FAM114A1: variants seen among roughly 807,000 people sequenced by gnomAD.
The protein encoded by FAM114A1 is family with sequence similarity 114 member A1, also known as protein NOXP20.
A neutral mutation model predicts 64.3 loss-of-function variants in FAM114A1; 62 were observed. The ratio of observed to expected loss-of-function variants is 0.96; its 90% CI spans 0.79 to 1.19. The LOEUF (loss-of-function observed/expected upper bound fraction) is 1.19. Among genes scored for constraint, FAM114A1 ranks in the 50% most tolerant of loss-of-function variants. FAM114A1 has a pLI of 0.00. For missense variants in FAM114A1, 645 were observed against 676.3 expected (o/e 0.95, Z 0.51); for synonymous variants, 254 against 251.1 (o/e 1.01, Z -0.11).
At chr4:38,932,445 C>T (rs1289678709) in intron 12 of FAM114A1, 71 bp downstream of exon 12, 4 of 1,376,816 alleles carry the variant, frequency 2.9e-6, no homozygotes, top group Admixed American at 2.7e-5. Flanking sequence ...TACACACATA[C>T]ACACCCACAC....
chr4:38,903,239 C>G (rs543946182), intron 4 of FAM114A1, among the ~76,000 whole-genome samples: 3 of 152,150 alleles, frequency 2.0e-5, no homozygotes, highest in Non-Finnish European at 2.9e-5. Context: ...AGAGGCAGCT[C>G]GTGTATACAT....
chr4:38,924,899 G>A (rs1719966054), intron 9 of FAM114A1, among the ~76,000 whole-genome samples: 1 of 152,198 alleles, frequency 6.6e-6, no homozygotes, highest in Non-Finnish European at 1.5e-5. Flanking sequence ...TATTAAGGGT[G>A]TCATTTAGAA....
At chr4:38,889,530 G>T (rs1716122040) in intron 3 of FAM114A1, among the ~76,000 whole-genome samples, 1 of 152,142 alleles carries the variant, frequency 6.6e-6, no homozygotes, top group Non-Finnish European at 1.5e-5. Flanking sequence ...AACATTATAT[G>T]AATTATTTCT....
At chr4:38,920,369 G>A (rs892947590) in intron 8 of FAM114A1, among the ~76,000 whole-genome samples, 1 of 152,142 alleles carries the variant, frequency 6.6e-6, no homozygotes, top group African/African-American at 2.4e-5. Context: ...ACTCAGCACT[G>A]TGCCAAGCAT....
At position 38,943,489 on chromosome 4, in the gene FAM114A1, T is replaced by C; in HGVS notation, c.1624T>C (p.Phe542Leu). Reference protein sequence around the residue: ...CNSTTYIQDAFQLLLPVLQVS... With the variant: ...CNSTTYIQDALQLLLPVLQVS... ...CAGTACAACGTACATACAGGATGCC[T>C]TCCAGCTGCTGCTGCCTGTTCTGCA... The change falls in exon 15 of 15, where the codon TTC (phenylalanine) becomes CTC (leucine). Residue 542 changes from phenylalanine (F) to leucine (L), a missense_variant. By Grantham distance (22) the Phe-to-Leu change is conservative. Coordinates refer to ENST00000358869, the MANE Select transcript of FAM114A1 (RefSeq NM_138389.4). The C allele has an allele frequency of 6.2e-7, 1 of 1,614,136 alleles. No individual in the cohort carries two copies. Among genetic ancestry groups the C allele is most frequent in the Non-Finnish European group, 8.5e-7 (1 of 1,180,002 alleles).
chr4:38,886,663 C>T (rs1439480194), intron 3 of FAM114A1, among the ~76,000 whole-genome samples: 2 of 151,812 alleles, frequency 1.3e-5, no homozygotes, highest in Admixed American at 6.6e-5. Context: ...CACAGTGGCT[C>T]ACACCTGTAA....
At chr4:38,911,843 T>C (rs1718563748) in intron 7 of FAM114A1, among the ~76,000 whole-genome samples, 1 of 124,402 alleles carries the variant, frequency 8.0e-6, no homozygotes. Flanking sequence ...TTTTTTTTTT[T>C]CTTTTTTTTT....
Position 38,878,330 on chromosome 4 carries a change from A to C in FAM114A1, c.252A>C (p.Gly84=). ...DANALEPPLN[G]DVTEDTLAEC... is the part of the protein sequence containing the mutation. ...ACGCCCTGGAGCCCCCTCTCAATGG[A>C]GACGTGACTGAGGATACACTTGCTG... The change falls in exon 3 of 15, where the codon GGA becomes GGC. Residue 84 remains glycine, a synonymous_variant. Coordinates refer to ENST00000358869, the MANE Select transcript of FAM114A1 (RefSeq NM_138389.4). 6.2e-7 allele frequency: 1 copy of C among 1,614,206 alleles called. No homozygotes were observed. Among genetic ancestry groups the C allele is most frequent in the South Asian group, 1.1e-5 (1 of 91,078 alleles).
At chr4:38,923,224 C>CTTTTTTT (rs55688191) in intron 9 of FAM114A1, among the ~76,000 whole-genome samples, 3 of 131,734 alleles carry the variant, frequency 2.3e-5, no homozygotes, top group Non-Finnish European at 3.2e-5. Context: ...TATGCTGCCA[C>CTTTTTTT]TTTTTTTTTT....
At chr4:38,914,871 C>T (rs367645644) in intron 7 of FAM114A1, 50 bp from the exon 8 acceptor site, 85 of 1,582,390 alleles carry the variant, frequency 5.4e-5, no homozygotes, top group Non-Finnish European at 7.3e-5. Flanking sequence ...ACACAGGAAA[C>T]GGTGCTTTTA....
intron 8 of FAM114A1, among the ~76,000 whole-genome samples, chr4:38,919,014 G>A (rs1379250502): frequency 6.6e-6 from 1 of 152,020 alleles, no homozygotes; most frequent in Non-Finnish European, 1.5e-5. Flanking sequence ...TTAGCAGGGT[G>A]TGATGGCACA....
chr4:38,911,673 C>G (rs545318163), intron 7 of FAM114A1, among the ~76,000 whole-genome samples: 2 of 152,008 alleles, frequency 1.3e-5, no homozygotes, highest in African/African-American at 4.8e-5. Context: ...CAAGGTCTTT[C>G]GGACAACTGG....
rs749142656 is a variant in FAM114A1 at position 38,945,237 on chromosome 4, C to T, written c.*1680C>T. 5.3e-5 allele frequency: 8 copies of T among 152,186 alleles called. No homozygotes were observed. Among genetic ancestry groups the T allele is most frequent in the Non-Finnish European group, 8.8e-5 (6 of 68,040 alleles). The allele number at this position is 152,186 out of a possible 1,614,324, so 9.4% of individuals were successfully genotyped here. A position where few individuals can be genotyped will look rare whatever the true frequency, so the allele number is the denominator to read the frequency against. ...GATCACACTCGCTGGTGGCAAATAT[C>T]ATCATCGTTGCTAAAGGACAGAAAA... On this transcript the variant is annotated 3_prime_UTR_variant, in exon 15 of 15. Coordinates refer to ENST00000358869, the MANE Select transcript of FAM114A1 (RefSeq NM_138389.4).
chr4:38,933,040 G>A (rs895486689), intron 12 of FAM114A1, among the ~76,000 whole-genome samples: 5 of 151,954 alleles, frequency 3.3e-5, no homozygotes, highest in Non-Finnish European at 5.9e-5. Flanking sequence ...TTTTAGTAGA[G>A]ACGGGTTTTC....
At chr4:38,915,176 C>T in intron 8 of FAM114A1, 103 bp downstream of exon 8, 1 of 1,423,196 alleles carries the variant, frequency 7.0e-7, no homozygotes, top group Non-Finnish European at 9.6e-7. Context: ...TTTTTAGAGC[C>T]TCATTATTAT....
At chr4:38,905,917 A>T in intron 6 of FAM114A1, 56 bp downstream of exon 6, 4 of 1,480,344 alleles carry the variant, frequency 2.7e-6, no homozygotes, top group Non-Finnish European at 1.8e-6. Flanking sequence ...CCTTCTTTTG[A>T]TATTTCCATT....
chr4:38,911,757 C>T (rs976913320), intron 7 of FAM114A1, among the ~76,000 whole-genome samples: 1 of 150,976 alleles, frequency 6.6e-6, no homozygotes, highest in African/African-American at 2.4e-5. Context: ...AGCGTGCACG[C>T]GTGCACTACC....
In FAM114A1 at chr4:38,926,458, T is replaced by C. The variant is rs773677726; in HGVS notation, c.1070-2784T>C. Among the ~76,000 whole-genome samples, 995 of 140,636 alleles carry C rather than the reference T, an allele frequency of 7.1e-3. 9 individuals carry two copies. The highest frequency in any genetic ancestry group is 0.022 in the African/African-American group (834 of 37,982). The allele number at this position is 140,636 out of a possible 152,430, so 92.3% of individuals were successfully genotyped here. ...TAGCTCTGTCTCTCTCTCTCTCCCC[T>C]TTTTTTTTTTTTTCCAGATAGAGTC... On this transcript the variant is annotated intron_variant, in intron 9 of 14. Transcript: ENST00000358869.
In FAM114A1 at chr4:38,942,961, G is replaced by A. The variant is rs148893984; in HGVS notation, c.1591-495G>A. Among the ~76,000 whole-genome samples, 908 of 152,210 alleles carry A rather than the reference G, an allele frequency of 6.0e-3. 10 individuals are homozygous for A. Among genetic ancestry groups the A allele is most frequent in the African/African-American group, 0.021 (866 of 41,532 alleles). Reference sequence around the variant, plus strand: ...TGTAATCCCAGCACTTTGGGAGGCCGAGGTGGGCAGATACGAAGTCAGAAG... The same window carrying A: ...TGTAATCCCAGCACTTTGGGAGGCCAAGGTGGGCAGATACGAAGTCAGAAG... On this transcript the variant is annotated intron_variant, in intron 14 of 14. Transcript: ENST00000358869.
Sources: allele counts gnomAD v4.1 joint callset (sites outside exome capture counted in the v4.1 genomes callset), GRCh38; gene constraint gnomAD v4.1.1; transcripts MANE v1.5; gene names NCBI Gene and HGNC (gene_info 2026-07-23, HGNC 2026-07-21).